FUT9: variants seen among roughly 807,000 people sequenced by gnomAD.
FUT9 encodes 4-galactosyl-N-acetylglucosaminide 3-alpha-L-fucosyltransferase 9.
A neutral mutation model predicts 29.7 loss-of-function variants in FUT9; 15 were observed. The observed-to-expected ratio is 0.51, with a 90% CI of 0.34 to 0.78. The LOEUF is 0.78. Among genes scored for constraint, FUT9 ranks in the 30% least tolerant of loss-of-function variants. The pLI is 0.01. For missense variants in FUT9, 319 were observed against 425.4 expected, an observed-to-expected ratio of 0.75 and a Z score of 2.20; for synonymous variants, 169 against 153.7, an observed-to-expected ratio of 1.10 and a Z score of -0.74.
Position 96,160,363 on chromosome 6 carries a change from C to T in FUT9, c.-8-42785C>T, listed in dbSNP as rs114256611. Among the ~76,000 whole-genome samples, 528 of 152,242 alleles carry T rather than the reference C, an allele frequency of 3.5e-3. 2 individuals are homozygous for T. The highest frequency in any genetic ancestry group is 0.011 in the African/African-American group (472 of 41,552). ...GATGAAAAATACCACAGTTATGCTG[C>T]CCGAGTTTGCAGAATAAATAGCTTT... On this transcript the variant is annotated intron_variant, in intron 2 of 2. Coordinates refer to ENST00000302103, the MANE Select transcript of FUT9 (RefSeq NM_006581.4).
At chr6:96,111,876 T>C (rs1012753655) in intron 1 of FUT9, among the ~76,000 whole-genome samples, 8 of 152,196 alleles carry the variant, frequency 5.3e-5, no homozygotes, top group Admixed American at 1.3e-4. Context: ...TATTTAGTGA[T>C]TATTTTGATC....
At position 96,136,709 on chromosome 6, in the gene FUT9, T is replaced by A. The variant is rs1437267218; in HGVS notation, c.-9+22582T>A. ...CTTTTTATGCACAGAAGAGAGCAAA[T>A]TTTATTCCAAAGAAATGTAGTCATA... is the stretch of plus-strand genomic sequence containing the variant. On this transcript the variant is annotated intron_variant, in intron 2 of 2. Transcript: ENST00000302103. 1.3e-5 allele frequency among the ~76,000 whole-genome samples: 2 copies of A among 151,900 alleles called. 1 individual carries two copies. The highest frequency in any genetic ancestry group is 3.9e-4 in the East Asian group (2 of 5,194).
chr6:96,164,886 C>A (rs73757735), intron 2 of FUT9, among the ~76,000 whole-genome samples: 3,837 of 152,236 alleles, frequency 0.025, 163 homozygotes, highest in African/African-American at 0.087. Context: ...AGCCATATTT[C>A]AGATGTTCAA....
At position 96,209,089 on chromosome 6, in the gene FUT9, A is replaced by G. The variant is rs996961603; in HGVS notation, c.*4854A>G. 4 of 166,810 alleles carry G rather than the reference A, an allele frequency of 2.4e-5. No individual in the cohort carries two copies. The highest frequency in any genetic ancestry group is 9.7e-5 in the African/African-American group (4 of 41,416). 10.3% of individuals were successfully genotyped at this position (166,810 alleles called of 1,614,324 possible). On this transcript the variant is annotated 3_prime_UTR_variant, in exon 3 of 3. Coordinates refer to ENST00000302103, the MANE Select transcript of FUT9 (RefSeq NM_006581.4). The stretch of plus-strand genomic sequence containing the variant: ...CGGCTAAATCTGGAATGTGAGTGCT[A>G]CCCTAGGTTATTAGTTCAACAAACT...
At position 96,211,842 on chromosome 6, in the gene FUT9, T is replaced by C; in HGVS notation, c.*7607T>C. On this transcript the variant is annotated 3_prime_UTR_variant, in exon 3 of 3. Coordinates refer to ENST00000302103, the MANE Select transcript of FUT9 (RefSeq NM_006581.4). ...TTTAAAGAGTATTAGAAATGTCTGT[T>C]ATGTCAGTAACATTAGAAAACTTCA... 2.8e-6 allele frequency: 1 copy of C among 362,188 alleles called. No homozygotes were observed. The highest frequency in any genetic ancestry group is 5.1e-6 in the Non-Finnish European group (1 of 194,986). The allele number at this position is 362,188 out of a possible 1,614,324, so 22.4% of individuals were successfully genotyped here.
intron 1 of FUT9, among the ~76,000 whole-genome samples, chr6:96,069,635 TTTTA>T (rs1439965580): frequency 8.7e-5 from 3 of 34,420 alleles, no homozygotes; most frequent in Admixed American, 7.3e-4. Context: ...TTATTTTTTA[TTTTA>T]TTTTTTTGAG....
At chr6:96,104,175 T>C (rs1350334311) in intron 1 of FUT9, among the ~76,000 whole-genome samples, 1 of 152,186 alleles carries the variant, frequency 6.6e-6, no homozygotes, top group Admixed American at 6.5e-5. Flanking sequence ...ATCCAGAGCT[T>C]TCAACTTTCC....
chr6:96,074,534 G>A (rs1289132553), intron 1 of FUT9, among the ~76,000 whole-genome samples: 3 of 152,016 alleles, frequency 2.0e-5, no homozygotes, highest in Non-Finnish European at 4.4e-5. Context: ...TAAAGGGATA[G>A]GATCATAACT....
chr6:96,040,546 C>T (rs1319178169), intron 1 of FUT9, among the ~76,000 whole-genome samples: 2 of 152,054 alleles, frequency 1.3e-5, no homozygotes, highest in South Asian at 2.1e-4. Context: ...GCAATTGAGC[C>T]GGCATTTTAT....
intron 2 of FUT9, among the ~76,000 whole-genome samples, chr6:96,135,133 C>T (rs1361927197): frequency 6.6e-6 from 1 of 151,764 alleles, no homozygotes; most frequent in Non-Finnish European, 1.5e-5. Flanking sequence ...GAATGGGAGA[C>T]AATGTGGAAG....
intron 1 of FUT9, among the ~76,000 whole-genome samples, chr6:96,023,393 G>T (rs1770108007): frequency 1.3e-5 from 2 of 151,692 alleles, no homozygotes; most frequent in Admixed American, 1.3e-4. Context: ...CTTCTAACTG[G>T]CTGATTAACA....
At chr6:96,069,304 G>C (rs1467449099) in intron 1 of FUT9, among the ~76,000 whole-genome samples, 1 of 139,602 alleles carries the variant, frequency 7.2e-6, no homozygotes, top group African/African-American at 2.6e-5. Flanking sequence ...CTGGGCTACA[G>C]AGCATGACTC....
intron 2 of FUT9, among the ~76,000 whole-genome samples, chr6:96,192,366 A>G (rs1164075504): frequency 6.6e-6 from 1 of 152,186 alleles, no homozygotes; most frequent in Non-Finnish European, 1.5e-5. Flanking sequence ...TCAGGATACA[A>G]AATCAATGTG....
rs552900803 is a variant in FUT9 at position 96,212,231 on chromosome 6, C to T, written c.*7996C>T. 2.4e-6 allele frequency: 1 copy of T among 412,682 alleles called. No homozygotes were observed. Among genetic ancestry groups the T allele is most frequent in the African/African-American group, 2.1e-5 (1 of 48,702 alleles). 25.6% of individuals were successfully genotyped at this position (412,682 alleles called of 1,614,324 possible). On this transcript the variant is annotated 3_prime_UTR_variant, in exon 3 of 3. Coordinates refer to ENST00000302103, the MANE Select transcript of FUT9 (RefSeq NM_006581.4). ...TGGCCTCATTAGCCACCTTCAGTTC[C>T]TTAAATGAGATAATCCTGAAGATGC...
chr6:96,118,625 A>G lies in FUT9; in HGVS notation c.-9+4498A>G, dbSNP rs140729089. Among the ~76,000 whole-genome samples the G allele has an allele frequency of 1.9e-3, 296 of 152,340 alleles. 1 individual carries two copies. The highest frequency in any genetic ancestry group is 0.01 in the Middle Eastern group (3 of 294). ...TATGTATTTACTATATTTTATCATT[A>G]TTTAGAGTGTACTTCTACTAATTTA... On this transcript the variant is annotated intron_variant, in intron 2 of 2. Transcript: ENST00000302103.
intron 2 of FUT9, among the ~76,000 whole-genome samples, chr6:96,134,056 A>T (rs889585512): frequency 6.6e-6 from 1 of 151,786 alleles, no homozygotes; most frequent in Non-Finnish European, 1.5e-5. Context: ...TTTCAGACAC[A>T]TGAGTTTGGG....
intron 2 of FUT9, among the ~76,000 whole-genome samples, chr6:96,196,653 A>C (rs1234244347): frequency 6.6e-6 from 1 of 152,148 alleles, no homozygotes; most frequent in Non-Finnish European, 1.5e-5. Context: ...CAGAGGTTAC[A>C]GTGAGCTGAC....
chr6:96,121,341 G>A (rs1772023579), intron 2 of FUT9, among the ~76,000 whole-genome samples: 1 of 152,074 alleles, frequency 6.6e-6, no homozygotes, highest in Admixed American at 6.5e-5. Flanking sequence ...AAGATGTCAA[G>A]AAAATCTGAA....
chr6:96,196,133 A>G (rs1427502191), intron 2 of FUT9, among the ~76,000 whole-genome samples: 2 of 152,152 alleles, frequency 1.3e-5, no homozygotes, highest in Non-Finnish European at 2.9e-5. Context: ...CAGTGTGGGA[A>G]TAGAGAGGTG....
Sources: gnomAD v4.1 joint callset for allele counts (sites outside exome capture counted in the v4.1 genomes callset) on GRCh38, gnomAD v4.1.1 for gene constraint, MANE v1.5 for transcripts, NCBI Gene and HGNC (gene_info 2026-07-23, HGNC 2026-07-21) for gene names.